Variants in LCA5L observed in about 807,000 individuals in gnomAD.
LCA5L encodes lebercilin-like protein.
LCA5L carries 35 observed loss-of-function variants against 45.4 expected under a neutral mutation model. The observed-to-expected ratio is 0.77, with a 90% CI of 0.59 to 1.02. The LOEUF is 1.02. LCA5L is among the 50% of genes least tolerant of loss of function. LCA5L has a pLI of 0.00. For missense variants in LCA5L, 668 were observed against 761.6 expected, an observed-to-expected ratio of 0.88 and a Z score of 1.45; for synonymous variants, 233 against 264.7, an observed-to-expected ratio of 0.88 and a Z score of 1.16.
At chr21:39,421,950 C>A (rs1205916858) in intron 6 of LCA5L, 1 of 152,152 alleles carries the variant, frequency 6.6e-6, no homozygotes, top group Non-Finnish European at 1.5e-5. Context: ...TAGATACATA[C>A]ATGAAAACAG....
intron 2 of LCA5L, among the ~76,000 whole-genome samples, chr21:39,436,859 C>T (rs1214584320): frequency 6.6e-6 from 1 of 152,142 alleles, no homozygotes; most frequent in East Asian, 1.9e-4. Flanking sequence ...TCCCTCTTTT[C>T]TTATCCATTC....
At chr21:39,411,048 A>G (rs1183363055) in intron 8 of LCA5L, 11 of 395,214 alleles carry the variant, frequency 2.8e-5, no homozygotes, top group Non-Finnish European at 4.5e-5. Flanking sequence ...AGAGGTATAC[A>G]CTAATGATAG....
intron 3 of LCA5L, among the ~76,000 whole-genome samples, chr21:39,435,009 G>A (rs2076156377): frequency 6.6e-6 from 1 of 152,056 alleles, no homozygotes; most frequent in South Asian, 2.1e-4. Context: ...ATTTAGTTTG[G>A]CAGCATTTAT....
intron 3 of LCA5L, among the ~76,000 whole-genome samples, chr21:39,432,849 A>T (rs2075885186): frequency 6.6e-6 from 1 of 152,200 alleles, no homozygotes; most frequent in Admixed American, 6.5e-5. Context: ...CAATATCAGT[A>T]GTTCATTTGT....
chr21:39,427,957 G>T, intron 5 of LCA5L: 1 of 381,462 alleles, frequency 2.6e-6, no homozygotes, highest in South Asian at 4.0e-5. Context: ...AAGCCATGCA[G>T]GGGGCTAGGC....
At chr21:39,416,884 A>C (rs1049860481) in intron 7 of LCA5L, among the ~76,000 whole-genome samples, 3 of 152,146 alleles carry the variant, frequency 2.0e-5, no homozygotes, top group African/African-American at 7.2e-5. Context: ...GTTTTAAGTC[A>C]CTTGGAATGG....
At chr21:39,432,529 A>C (rs993128985) in intron 3 of LCA5L, among the ~76,000 whole-genome samples, 2 of 152,184 alleles carry the variant, frequency 1.3e-5, no homozygotes, top group Non-Finnish European at 2.9e-5. Context: ...TTGAGGTATC[A>C]AAGAAAATTA....
At chr21:39,438,705 A>G (rs947415920) in intron 2 of LCA5L, 13 of 152,234 alleles carry the variant, frequency 8.5e-5, no homozygotes, top group African/African-American at 3.1e-4. Flanking sequence ...TGCAAATTAG[A>G]TTCCGCTTTT....
At chr21:39,410,822 T>C (rs1157630904) in intron 8 of LCA5L, 2 of 471,084 alleles carry the variant, frequency 4.2e-6, no homozygotes, top group Non-Finnish European at 4.4e-6. Flanking sequence ...CCTCGGTTGA[T>C]TCATTGTCTC....
chr21:39,423,316 T>C lies in LCA5L; in HGVS notation c.497A>G (p.Glu166Gly). The C allele has an allele frequency of 6.2e-7, 1 of 1,611,660 alleles. No individual in the cohort carries two copies. The highest frequency in any genetic ancestry group is 8.5e-7 in the Non-Finnish European group (1 of 1,179,446). The change falls in exon 6 of 11, where the codon GAA (glutamate) becomes GGA (glycine). Residue 166 changes from glutamate (E) to glycine (G), a missense_variant. Coordinates refer to ENST00000288350, the MANE Select transcript of LCA5L (RefSeq NM_152505.4). ...AAATTGGTTTTCTGTAAGGATGGCT[T>C]CCAATTTATGATGCATATCAGCTAA... ...NELADMHHKLEAILTENQFLK... is the reference protein window; with the variant it reads ...NELADMHHKLGAILTENQFLK...
intron 2 of LCA5L, among the ~76,000 whole-genome samples, chr21:39,437,404 C>T (rs2076388918): frequency 6.6e-6 from 1 of 152,136 alleles, no homozygotes; most frequent in Admixed American, 6.5e-5. Flanking sequence ...TGATTATATA[C>T]TTATAAAACA....
In LCA5L at chr21:39,410,071, T is replaced by G; in HGVS notation, c.1190A>C (p.Asp397Ala). 1 of 1,611,430 alleles carries G rather than the reference T, an allele frequency of 6.2e-7. No homozygotes were observed. Among genetic ancestry groups the G allele is most frequent in the Non-Finnish European group, 8.5e-7 (1 of 1,177,920 alleles). ...TATTTCAGTTGATTTTTCTTTATGA[T>G]CGATGTTTCCTGTTGCCTTTTTACC... Reference protein sequence around the residue: ...TKGKKATGNIDHKEKSTEINH... With the variant: ...TKGKKATGNIAHKEKSTEINH... Residue 397 changes from aspartate to alanine, a missense_variant, in exon 10 of 11, where the codon GAT (aspartate) becomes GCT (alanine). Asp to Ala is a moderately radical substitution (Grantham distance 126). Transcript: ENST00000288350.
rs776347430 is a variant in LCA5L, at chr21:39,417,742, TTTTA to T, written c.975+2960_975+2963del. 2.6e-4 allele frequency among the ~76,000 whole-genome samples: 39 copies of T among 151,920 alleles called. No homozygotes were observed. In the East Asian group the frequency reaches 5.6e-3, roughly 22 times the overall value. On this transcript the variant is annotated intron_variant, in intron 7 of 10. Coordinates refer to ENST00000288350, the MANE Select transcript of LCA5L (RefSeq NM_152505.4). ...AGAGGACTTGTGCAGGGGAGCTTCT[TTTTA>T]TTTATTTATTTAATTTTTTAATTTT...
intron 4 of LCA5L, 35 bp from the exon 5 acceptor site, chr21:39,428,538 T>C: frequency 9.0e-7 from 1 of 1,109,072 alleles, no homozygotes; most frequent in Non-Finnish European, 1.2e-6. Flanking sequence ...ATAAAAGTAT[T>C]TTTGAATTTA....
At chr21:39,421,366 G>A (rs1446496133) in intron 6 of LCA5L, among the ~76,000 whole-genome samples, 1 of 152,122 alleles carries the variant, frequency 6.6e-6, no homozygotes, top group Non-Finnish European at 1.5e-5. Context: ...GGTATTACGG[G>A]CGAGAGGCCA....
In LCA5L at chr21:39,406,054, G is replaced by C; in HGVS notation, c.1841C>G (p.Ser614Ter). 1 of 1,614,214 alleles carries C rather than the reference G, an allele frequency of 6.2e-7. No individual in the cohort carries two copies. Among genetic ancestry groups the C allele is most frequent in the Non-Finnish European group, 8.5e-7 (1 of 1,180,034 alleles). Residue 614 changes from serine to a stop codon, truncating the protein, a stop_gained, in exon 11 of 11, where the codon TCA (serine) becomes TGA (stop). Coordinates refer to ENST00000288350, the MANE Select transcript of LCA5L (RefSeq NM_152505.4). LOFTEE classifies it low-confidence loss of function (END_TRUNC). ...TGAGCCTTTTGCAACACCAGGACTT[G>C]ATTGGTCAGTTTTCAAGACATAGCC... ...GSGYVLKTDQ[S>*]SPGVAKGSEE... is the part of the protein sequence containing the mutation.
chr21:39,434,684 A>G (rs1390093084), intron 3 of LCA5L, among the ~76,000 whole-genome samples: 1 of 151,962 alleles, frequency 6.6e-6, no homozygotes, highest in Non-Finnish European at 1.5e-5. Context: ...TGCCTGGCTA[A>G]TATTTTTAGT....
At chr21:39,442,446 G>A (rs1350290623) in intron 2 of LCA5L, among the ~76,000 whole-genome samples, 1 of 152,182 alleles carries the variant, frequency 6.6e-6, no homozygotes, top group Non-Finnish European at 1.5e-5. Flanking sequence ...AATCAGCTCT[G>A]CCTTCTGAAG....
intron 5 of LCA5L, 40 bp from the exon 6 acceptor site, chr21:39,423,530 TAC>T (rs774000277): frequency 1.1e-5 from 16 of 1,493,066 alleles, no homozygotes; most frequent in Non-Finnish European, 1.3e-5. Context: ...TAGTAAAATA[TAC>T]AGATATGCAA....
Sources: allele counts gnomAD v4.1 joint callset (sites outside exome capture counted in the v4.1 genomes callset), GRCh38; gene constraint gnomAD v4.1.1; transcripts MANE v1.5; gene names NCBI Gene and HGNC (gene_info 2026-07-23, HGNC 2026-07-21).